LONRF1: variants seen among roughly 807,000 people sequenced by gnomAD.
LONRF1 encodes LON peptidase N-terminal domain and RING finger protein 1.
Under a neutral mutation model 85.8 loss-of-function variants are expected in LONRF1, and 37 were observed. That is an observed-to-expected ratio of 0.43 (90% CI 0.33 to 0.57). The LOEUF is 0.57. Ranked by LOEUF, LONRF1 falls within the 20% of genes least tolerant of loss-of-function variation. The pLI is 0.04. For missense variants in LONRF1, 1,036 were observed against 978.0 expected, an observed-to-expected ratio of 1.06 and a Z score of -0.79; for synonymous variants, 517 against 390.1, an observed-to-expected ratio of 1.33 and a Z score of -3.83.
chr8:12,723,353 T>TA, intron 11 of LONRF1, 99 bp from the exon 12 acceptor site: 1 of 1,107,016 alleles, frequency 9.0e-7, no homozygotes, highest in Non-Finnish European at 1.3e-6. Context: ...GCACTTGTAC[T>TA]ATGTGCCAGG....
At chr8:12,743,961 T>C (rs1363878516) in intron 1 of LONRF1, among the ~76,000 whole-genome samples, 2 of 152,196 alleles carry the variant, frequency 1.3e-5, no homozygotes, top group Non-Finnish European at 2.9e-5. Context: ...GCCAAATTAT[T>C]ATCCTATGGC....
chr8:12,751,422 G>C (rs936902112), intron 1 of LONRF1, among the ~76,000 whole-genome samples: 4 of 146,276 alleles, frequency 2.7e-5, no homozygotes, highest in African/African-American at 5.1e-5. Context: ...TTCTGCCTCA[G>C]CCTCTGGAGT....
At chr8:12,726,474 A>G (rs1358648400) in intron 10 of LONRF1, among the ~76,000 whole-genome samples, 2 of 152,234 alleles carry the variant, frequency 1.3e-5, no homozygotes, top group Non-Finnish European at 2.9e-5. Context: ...GGCAAGGCCC[A>G]AGGCTATGGC....
At chr8:12,728,358 C>G (rs1022672490) in intron 10 of LONRF1, among the ~76,000 whole-genome samples, 2 of 152,110 alleles carry the variant, frequency 1.3e-5, no homozygotes, top group Non-Finnish European at 2.9e-5. Flanking sequence ...TATGTCTGCC[C>G]CAGGGTCTTC....
intron 1 of LONRF1, among the ~76,000 whole-genome samples, chr8:12,749,927 A>G (rs2117343227): frequency 6.6e-6 from 1 of 152,320 alleles, no homozygotes; most frequent in East Asian, 1.9e-4. Context: ...CCTTTTTTAT[A>G]TTTCTAGCAC....
At chr8:12,725,114 T>C (rs1798239610) in intron 11 of LONRF1, among the ~76,000 whole-genome samples, 1 of 152,358 alleles carries the variant, frequency 6.6e-6, no homozygotes, top group East Asian at 1.9e-4. Context: ...CCTTCTTTTA[T>C]GCCTCCTGCA....
At chr8:12,741,098 T>A in intron 2 of LONRF1, 102 bp from the exon 3 acceptor site, 1 of 1,373,286 alleles carries the variant, frequency 7.3e-7, no homozygotes, top group Non-Finnish European at 1.0e-6. Flanking sequence ...CAGTGCCGAT[T>A]CTGGGCCGGG....
At chr8:12,752,554 G>T (rs1799450376) in intron 1 of LONRF1, among the ~76,000 whole-genome samples, 1 of 152,158 alleles carries the variant, frequency 6.6e-6, no homozygotes, top group Admixed American at 6.5e-5. Context: ...TTCTATTCCT[G>T]CAAAAGTAGA....
chr8:12,740,098 A>G (rs577754584), intron 3 of LONRF1, among the ~76,000 whole-genome samples: 1 of 152,260 alleles, frequency 6.6e-6, no homozygotes, highest in East Asian at 1.9e-4. Context: ...TGATCCCCAC[A>G]TGATTCTGAC....
chr8:12,736,620 T>C, intron 6 of LONRF1, 81 bp downstream of exon 6: 2 of 925,438 alleles, frequency 2.2e-6, no homozygotes, highest in Non-Finnish European at 3.2e-6. Flanking sequence ...CTTTACATTG[T>C]CTATTATTAC....
chr8:12,740,760 A>T (rs986420663), intron 3 of LONRF1, 114 bp downstream of exon 3: 2 of 1,298,598 alleles, frequency 1.5e-6, no homozygotes, highest in African/African-American at 3.0e-5. Flanking sequence ...ATTTGTTCCT[A>T]AGTTAGATTT....
intron 7 of LONRF1, among the ~76,000 whole-genome samples, chr8:12,732,129 G>A (rs113767018): frequency 6.6e-6 from 1 of 152,182 alleles, no homozygotes; most frequent in African/African-American, 2.4e-5. Flanking sequence ...TCTATTAGCC[G>A]CAGAGGGCCC....
intron 11 of LONRF1, among the ~76,000 whole-genome samples, chr8:12,723,905 T>A (rs1484011158): frequency 6.6e-6 from 1 of 152,240 alleles, no homozygotes; most frequent in African/African-American, 2.4e-5. Context: ...AAGGTCCTGG[T>A]AATGCTGTGA....
intron 1 of LONRF1, among the ~76,000 whole-genome samples, chr8:12,743,645 A>C (rs781502784): frequency 6.6e-6 from 1 of 152,164 alleles, no homozygotes; most frequent in African/African-American, 2.4e-5. Context: ...TTTTTATAGT[A>C]AATCTTATAT....
rs866560795 is a variant in LONRF1 at position 12,755,363 on chromosome 8, C to A, written c.58G>T (p.Ala20Ser). 2.2e-5 allele frequency: 27 copies of A among 1,212,110 alleles called. No individual in the cohort carries two copies. Among genetic ancestry groups the A allele is most frequent in the Middle Eastern group, 3.2e-4 (1 of 3,080 alleles). The allele number at this position is 1,212,110 out of a possible 1,614,324, so 75.1% of individuals were successfully genotyped here. Residue 20 changes from alanine to serine, a missense_variant, in exon 1 of 12, where the codon GCG becomes TCG. Ala to Ser is a moderately conservative substitution (Grantham distance 99). Around this residue, in one of 3 missense-constraint regions of LONRF1, gnomAD observed 742 missense variants for 614.4 expected, o/e 1.21. Transcript: ENST00000398246. ...CAGAACCGGCCTCGGCCCTGCGGCG[C>A]TGGGGCCATCTCCCGACTCCCTCCT... ...SPGGSREMAP[A>S]PQGRGRFWEV...
chr8:12,746,094 C>G (rs1459360951), intron 1 of LONRF1, among the ~76,000 whole-genome samples: 1 of 152,150 alleles, frequency 6.6e-6, no homozygotes, highest in East Asian at 1.9e-4. Flanking sequence ...AATGTCACCT[C>G]CTATGATATT....
At chr8:12,733,350 G>A (rs1446393838) in intron 7 of LONRF1, among the ~76,000 whole-genome samples, 1 of 152,010 alleles carries the variant, frequency 6.6e-6, no homozygotes, top group Non-Finnish European at 1.5e-5. Context: ...TGGGGATGAG[G>A]CAATCCAACA....
At position 12,723,206 on chromosome 8, in the gene LONRF1, G is replaced by A; in HGVS notation, c.2212C>T (p.Pro738Ser). 1 of 1,614,048 alleles carries A rather than the reference G, an allele frequency of 6.2e-7. No homozygotes were observed. Among genetic ancestry groups the A allele is most frequent in the Non-Finnish European group, 8.5e-7 (1 of 1,179,984 alleles). ...AWCWWLLAVL[P>S]VDPRYQLSVL... Reference sequence around the variant, plus strand: ...GACAGCTGGTATCGTGGGTCTACAGGGAGAACTGCAAGAAGCCACCAACAC... The same window carrying A: ...GACAGCTGGTATCGTGGGTCTACAGAGAGAACTGCAAGAAGCCACCAACAC... The change falls in exon 12 of 12, where the codon CCT (proline) becomes TCT (serine). Residue 738 changes from proline to serine, a missense_variant. This residue lies in a region of LONRF1 where 265 missense variants were observed against 301.5 expected (regional missense o/e 0.88). Coordinates refer to ENST00000398246, the MANE Select transcript of LONRF1 (RefSeq NM_152271.5).
In LONRF1 at chr8:12,755,431, G is replaced by T. The variant is rs1317209450; in HGVS notation, c.-11C>A. ...CGCCGGAGAGGACATGGCCCGCGGA[G>T]GGCTGCGCCGCCGCCGCCCGCCGCC... On this transcript the variant is annotated 5_prime_UTR_variant, in exon 1 of 12. Transcript: ENST00000398246. 3 of 1,131,274 alleles carry T rather than the reference G, an allele frequency of 2.7e-6. No individual in the cohort carries two copies. In the African/African-American group the frequency reaches 5.0e-5, roughly 19 times the overall value. The allele number at this position is 1,131,274 out of a possible 1,614,324, so 70.1% of individuals were successfully genotyped here.
Sources: allele counts gnomAD v4.1 joint callset (sites outside exome capture counted in the v4.1 genomes callset), GRCh38; gene constraint gnomAD v4.1.1; regional missense constraint gnomAD v4.1.1; transcripts MANE v1.5; gene names NCBI Gene and HGNC (gene_info 2026-07-23, HGNC 2026-07-21).